The following GALNT17 variants were observed in gnomAD, a reference collection of about 807,000 sequenced individuals.
The protein encoded by GALNT17 is UDP-GalNAc:polypeptide N-acetylgalactosaminyltransferase-like 3.
Under a neutral mutation model 63.7 loss-of-function variants are expected in GALNT17, and 29 were observed. The observed-to-expected ratio is 0.46, with a 90% confidence interval of 0.34 to 0.62. The LOEUF (loss-of-function observed/expected upper bound fraction) is 0.62, where lower values mean the gene tolerates loss of function less well. Among genes scored for constraint, GALNT17 ranks in the 20% least tolerant of loss-of-function variants. The probability of loss-of-function intolerance (pLI) is 0.01; values close to 1 mark genes in which losing one functional copy is unlikely to be tolerated. For missense variants in GALNT17, 603 were observed against 799.6 expected (o/e 0.75, Z 2.97); for synonymous variants, 305 against 318.3 (o/e 0.96, Z 0.45).
chr7:71,701,753 GTATA>G (rs370707801), intron 9 of GALNT17, among the ~76,000 whole-genome samples: 326 of 22,080 alleles, frequency 0.015, 7 homozygotes, highest in East Asian at 0.04. Context: ...GTATATATAT[GTATA>G]TATATGTGTA....
In GALNT17 at chr7:71,414,727, A is replaced by G. The variant is rs1373021457; in HGVS notation, c.590-1162A>G. 5.3e-5 allele frequency among the ~76,000 whole-genome samples: 8 copies of G among 152,194 alleles called. No homozygotes were observed. In the South Asian group the frequency reaches 1.0e-3, roughly 20 times the overall value. On this transcript the variant is annotated intron_variant, in intron 3 of 10. Transcript: ENST00000333538. Reference sequence around the variant, plus strand: ...TAACAGTGCCTCCAGAACTCCTGGCATGGTGCCCAGCGCTCAGCATTCAGA... The same window carrying G: ...TAACAGTGCCTCCAGAACTCCTGGCGTGGTGCCCAGCGCTCAGCATTCAGA...
At chr7:71,621,665 G>T (rs549239937) in intron 6 of GALNT17, among the ~76,000 whole-genome samples, 1 of 152,148 alleles carries the variant, frequency 6.6e-6, no homozygotes, top group Non-Finnish European at 1.5e-5. Context: ...TAACATCCTA[G>T]GCTAGATGGA....
chr7:71,372,801 G>A (rs1472859749), intron 2 of GALNT17, among the ~76,000 whole-genome samples: 1 of 152,136 alleles, frequency 6.6e-6, no homozygotes, highest in Non-Finnish European at 1.5e-5. Flanking sequence ...ATACAGATGT[G>A]TAGCATACAA....
intron 1 of GALNT17, among the ~76,000 whole-genome samples, chr7:71,250,426 A>G (rs1790176434): frequency 6.6e-6 from 1 of 152,086 alleles, no homozygotes; most frequent in African/African-American, 2.4e-5. Context: ...GAGTTTTTTG[A>G]CAGTATGGCT....
chr7:71,412,456 C>T (rs529906173), intron 3 of GALNT17, among the ~76,000 whole-genome samples: 18 of 152,166 alleles, frequency 1.2e-4, no homozygotes, highest in Non-Finnish European at 1.8e-4. Context: ...CTGCAACTTC[C>T]GCCCCACCAG....
intron 2 of GALNT17, among the ~76,000 whole-genome samples, chr7:71,384,140 G>GT (rs1221268076): frequency 2.0e-5 from 3 of 151,924 alleles, no homozygotes; most frequent in South Asian, 2.1e-4. Flanking sequence ...TTGTTTTTTT[G>GT]TTTTTTGTTT....
At chr7:71,309,524 T>G (rs1019716350) in intron 1 of GALNT17, among the ~76,000 whole-genome samples, 2 of 152,188 alleles carry the variant, frequency 1.3e-5, no homozygotes, top group Non-Finnish European at 2.9e-5. Flanking sequence ...GCATAACTTT[T>G]GTCTACACTT....
chr7:71,435,348 T>C (rs183409227), intron 5 of GALNT17, among the ~76,000 whole-genome samples: 1 of 152,262 alleles, frequency 6.6e-6, no homozygotes, highest in East Asian at 1.9e-4. Flanking sequence ...GTTTATAGTT[T>C]AAAACAAAGA....
At chr7:71,265,098 T>TTTTTTATATA (rs144493671) in intron 1 of GALNT17, among the ~76,000 whole-genome samples, 2 of 78,384 alleles carry the variant, frequency 2.6e-5, no homozygotes, top group African/African-American at 9.2e-5. Context: ...CCCATAAATA[T>TTTTTTATATA]TATATATATA....
chr7:71,626,398 G>C (rs1320584676), intron 6 of GALNT17, among the ~76,000 whole-genome samples: 1 of 152,204 alleles, frequency 6.6e-6, no homozygotes, highest in Non-Finnish European at 1.5e-5. Context: ...AGAATTGTGA[G>C]AAAGTACATT....
chr7:71,464,281 T>A (rs1330418124), intron 5 of GALNT17, among the ~76,000 whole-genome samples: 1 of 152,018 alleles, frequency 6.6e-6, no homozygotes, highest in Non-Finnish European at 1.5e-5. Context: ...AATTAGGGGA[T>A]TTTCTCAAAC....
At chr7:71,508,916 G>A (rs572406402) in intron 5 of GALNT17, among the ~76,000 whole-genome samples, 3 of 152,090 alleles carry the variant, frequency 2.0e-5, no homozygotes, top group Non-Finnish European at 4.4e-5. Flanking sequence ...GCGTGCGCTC[G>A]TGTGCATGTG....
chr7:71,498,629 C>G (rs1028256874), intron 5 of GALNT17, among the ~76,000 whole-genome samples: 1 of 152,038 alleles, frequency 6.6e-6, no homozygotes, highest in Non-Finnish European at 1.5e-5. Flanking sequence ...TGAAGAGAAT[C>G]AAGTGTACAA....
chr7:71,650,774 C>CAGTGT (rs1355981801), intron 6 of GALNT17, among the ~76,000 whole-genome samples: 1 of 152,164 alleles, frequency 6.6e-6, no homozygotes, highest in Non-Finnish European at 1.5e-5. Context: ...GGAGTGAATA[C>CAGTGT]AGTGTTTTCA....
intron 5 of GALNT17, among the ~76,000 whole-genome samples, chr7:71,440,767 C>T (rs188676053): frequency 3.3e-5 from 5 of 152,184 alleles, no homozygotes; most frequent in African/African-American, 9.6e-5. Flanking sequence ...GAAAAGAAAA[C>T]GAAGATTATC....
At chr7:71,614,901 GA>G (rs1790178369) in intron 6 of GALNT17, among the ~76,000 whole-genome samples, 1 of 126,362 alleles carries the variant, frequency 7.9e-6, no homozygotes, top group African/African-American at 2.9e-5. Context: ...GGGAGGGAGG[GA>G]GGGAGGAAGG....
chr7:71,327,956 T>C (rs1259351866), intron 1 of GALNT17, among the ~76,000 whole-genome samples: 1 of 152,176 alleles, frequency 6.6e-6, no homozygotes, highest in African/African-American at 2.4e-5. Context: ...TGTCAAGAAG[T>C]GTCCTTATGT....
At chr7:71,313,201 T>C (rs1583853100) in intron 1 of GALNT17, among the ~76,000 whole-genome samples, 1 of 152,336 alleles carries the variant, frequency 6.6e-6, no homozygotes, top group East Asian at 1.9e-4. Context: ...GTGGATATTA[T>C]GAACATAAAT....
chr7:71,431,688 C>G (rs138180697), intron 5 of GALNT17, among the ~76,000 whole-genome samples: 31 of 152,158 alleles, frequency 2.0e-4, no homozygotes, highest in African/African-American at 7.2e-4. Context: ...CTAGCTGGAC[C>G]TTGCCAGCTG....
Sources: gnomAD v4.1 joint callset for allele counts (sites outside exome capture counted in the v4.1 genomes callset) on GRCh38, gnomAD v4.1.1 for gene constraint, MANE v1.5 for transcripts, NCBI Gene and HGNC (gene_info 2026-07-23, HGNC 2026-07-21) for gene names.